The following VPS13C variants were observed in gnomAD, a reference collection of about 807,000 sequenced individuals.
VPS13C encodes intermembrane lipid transfer protein VPS13C.
Under a neutral mutation model 456.8 loss-of-function variants are expected in VPS13C, and 358 were observed. That is an observed-to-expected ratio of 0.78 (90% CI 0.72 to 0.86). The LOEUF is 0.86. Among genes scored for constraint, VPS13C ranks in the 40% least tolerant of loss-of-function variants. The pLI, the probability that VPS13C is intolerant of heterozygous loss-of-function variation, is 0.00. For missense variants in VPS13C, 4,818 were observed against 4,385.4 expected, an observed-to-expected ratio of 1.10 and a Z score of -2.79; for synonymous variants, 1,578 against 1,486.7, an observed-to-expected ratio of 1.06 and a Z score of -1.41.
At chr15:61,925,995 T>C (rs1229931069) in intron 52 of VPS13C, among the ~76,000 whole-genome samples, 1 of 152,198 alleles carries the variant, frequency 6.6e-6, no homozygotes, top group African/African-American at 2.4e-5. Context: ...TAAAAGTCAA[T>C]TCATCAAATT....
chr15:62,013,971 G>A lies in VPS13C; in HGVS notation c.706C>T (p.Pro236Ser). 6.2e-7 allele frequency: 1 copy of A among 1,610,396 alleles called. No homozygotes were observed. Among genetic ancestry groups the A allele is most frequent in the Non-Finnish European group, 8.5e-7 (1 of 1,177,854 alleles). ...SLLTANEHWT[P>S]CILNEADKII... is the part of the protein sequence containing the mutation. Reference sequence around the variant, plus strand: ...TTGTCTGCTTCATTTAATATGCATGGAGTCCAGTGTTCATTTGCAGTCTAA... The same window carrying A: ...TTGTCTGCTTCATTTAATATGCATGAAGTCCAGTGTTCATTTGCAGTCTAA... Residue 236 changes from proline to serine, a missense_variant, in exon 10 of 85, where the codon CCA (proline) becomes TCA (serine). Pro to Ser is a moderately conservative substitution (Grantham distance 74, BLOSUM62 -1). Transcript: ENST00000644861.
chr15:62,013,840 C>G (rs181756243), intron 10 of VPS13C, 93 bp downstream of exon 10: 46 of 937,986 alleles, frequency 4.9e-5, no homozygotes, highest in Middle Eastern at 4.6e-4. Context: ...AACTCACACT[C>G]CAATGGCATA....
At chr15:61,912,325 G>C (rs1426765387) in intron 62 of VPS13C, among the ~76,000 whole-genome samples, 2 of 152,106 alleles carry the variant, frequency 1.3e-5, no homozygotes, top group Non-Finnish European at 2.9e-5. Flanking sequence ...TACAGGCTTT[G>C]TTATCTGCTA....
In VPS13C at chr15:61,920,485, G is replaced by A. The variant is rs80165703; in HGVS notation, c.7212+13C>T. The A allele has an allele frequency of 1.4e-3, 2,169 of 1,514,532 alleles. 29 individuals carry two copies. In the African/African-American group the frequency reaches 0.028, roughly 20 times the overall value. 93.8% of individuals were successfully genotyped at this position (1,514,532 alleles called of 1,614,324 possible). On this transcript the variant is annotated intron_variant, in intron 56 of 84. Coordinates refer to ENST00000644861, the MANE Select transcript of VPS13C (RefSeq NM_020821.3). ...ATTCCACTTGAAATATTCTAAGCAA[G>A]ATTCAGACATACTTTTGCTAAATTG... is the stretch of plus-strand genomic sequence containing the variant.
At chr15:61,872,491 T>A (rs1044317877) in intron 78 of VPS13C, among the ~76,000 whole-genome samples, 2 of 152,072 alleles carry the variant, frequency 1.3e-5, no homozygotes, top group Non-Finnish European at 2.9e-5. Context: ...GGACAGGTAA[T>A]AACCTGGCAA....
At position 62,041,593 on chromosome 15, in the gene VPS13C, G is replaced by A. The variant is rs374529411; in HGVS notation, c.145-227C>T. 4.9e-3 allele frequency among the ~76,000 whole-genome samples: 739 copies of A among 152,216 alleles called. 9 individuals carry two copies. Among genetic ancestry groups the A allele is most frequent in the African/African-American group, 0.017 (713 of 41,548 alleles). On this transcript the variant is annotated intron_variant, in intron 2 of 84. Coordinates refer to ENST00000644861, the MANE Select transcript of VPS13C (RefSeq NM_020821.3). ...AGCACTTTGGGAAGCCGAGGCGGGT[G>A]GATCGCCTGAGTTCAGGAGTTCGAG...
chr15:61,875,038 A>T, intron 76 of VPS13C, 87 bp from the exon 77 acceptor site: 1 of 1,189,002 alleles, frequency 8.4e-7, no homozygotes, highest in Non-Finnish European at 1.1e-6. Flanking sequence ...TGCAAGAAGA[A>T]TCCAAATCTG....
intron 79 of VPS13C, among the ~76,000 whole-genome samples, chr15:61,870,065 C>T (rs12908081): frequency 0.38 from 58,396 of 151,974 alleles, 11,729 homozygotes; most frequent in Non-Finnish European, 0.43. Flanking sequence ...TATTGAAATG[C>T]AATTCATATA....
Position 61,954,523 on chromosome 15 carries a change from T to A in VPS13C, c.4197A>T (p.Ile1399=), listed in dbSNP as rs1348917153. Residue 1399 remains isoleucine (I), a synonymous_variant, in exon 38 of 85, where the codon ATA becomes ATT. Transcript: ENST00000644861. ...TTTTTGAATCATGTACATCTTGTGA[T>A]ATAGAGATTTCAAGGGGCTCTTTAA... ...GEIKEPLEIS[I]SQDVHDSKNT... is the part of the protein sequence containing the mutation. 1.3e-6 allele frequency: 2 copies of A among 1,598,176 alleles called. No individual in the cohort carries two copies. The highest frequency in any genetic ancestry group is 1.7e-6 in the Non-Finnish European group (2 of 1,174,434).
intron 1 of VPS13C, among the ~76,000 whole-genome samples, chr15:62,044,996 T>C (rs531527429): frequency 2.6e-5 from 4 of 152,258 alleles, no homozygotes; most frequent in African/African-American, 4.8e-5. Flanking sequence ...TTATGACACA[T>C]ATATTTTTTA....
chr15:61,931,265 G>T lies in VPS13C; in HGVS notation c.5869-6C>A. The T allele has an allele frequency of 3.7e-6, 6 of 1,603,884 alleles. No individual in the cohort carries two copies. Among genetic ancestry groups the T allele is most frequent in the Non-Finnish European group, 5.1e-6 (6 of 1,176,122 alleles). The stretch of plus-strand genomic sequence containing the variant: ...TGAAATGCAACTCCAGATTCCTATG[G>T]TACATTTTTCAAGCAAAAGAATCAA... On this transcript the variant is annotated splice_polypyrimidine_tract_variant and splice_region_variant and intron_variant, in intron 49 of 84. Coordinates refer to ENST00000644861, the MANE Select transcript of VPS13C (RefSeq NM_020821.3).
intron 14 of VPS13C, 131 bp downstream of exon 14, chr15:62,008,524 G>C: frequency 4.1e-6 from 2 of 492,250 alleles, no homozygotes. Context: ...TTTACCATTT[G>C]TCTTTTAATA....
At chr15:61,958,124 G>A (rs140688982) in intron 37 of VPS13C, among the ~76,000 whole-genome samples, 1 of 151,686 alleles carries the variant, frequency 6.6e-6, no homozygotes, top group African/African-American at 2.4e-5. Flanking sequence ...AGTCAAAAGG[G>A]CCATGGTAAC....
At chr15:61,951,091 G>T in intron 39 of VPS13C, 67 bp from the exon 40 acceptor site, 1 of 1,001,642 alleles carries the variant, frequency 1.0e-6, no homozygotes, top group Non-Finnish European at 1.5e-6. Context: ...AACAGGACCA[G>T]CCAAATGTAC....
At chr15:62,000,421 T>C in intron 16 of VPS13C, 143 bp downstream of exon 16, 1 of 722,226 alleles carries the variant, frequency 1.4e-6, no homozygotes, top group East Asian at 3.2e-5. Context: ...AGTGGCTTTT[T>C]TTCAGTACTC....
chr15:61,978,170 C>A (rs924802073), intron 23 of VPS13C, among the ~76,000 whole-genome samples: 1 of 151,984 alleles, frequency 6.6e-6, no homozygotes, highest in Non-Finnish European at 1.5e-5. Context: ...TAGATACATA[C>A]TTCTCAGATA....
intron 22 of VPS13C, among the ~76,000 whole-genome samples, chr15:61,981,013 A>G (rs993867981): frequency 1.3e-5 from 2 of 152,164 alleles, no homozygotes; most frequent in African/African-American, 4.8e-5. Context: ...ACAATTTCCT[A>G]TTGTCAAATT....
At chr15:61,908,035 C>T (rs888256783) in intron 65 of VPS13C, among the ~76,000 whole-genome samples, 2 of 152,128 alleles carry the variant, frequency 1.3e-5, no homozygotes, top group Non-Finnish European at 2.9e-5. Flanking sequence ...ATAAGTATTA[C>T]CTGGGGTCTT....
Position 62,037,314 on chromosome 15 carries a change from ATAT to A in VPS13C, c.188-2265_188-2263del, listed in dbSNP as rs1178622896. On this transcript the variant is annotated intron_variant, in intron 3 of 84. Coordinates refer to ENST00000644861, the MANE Select transcript of VPS13C (RefSeq NM_020821.3). ...TATATTATATAATATATATATAAAT[ATAT>A]TATATATTATATACATTTATATATA... Among the ~76,000 whole-genome samples, 104 of 76,030 alleles carry A rather than the reference ATAT, an allele frequency of 1.4e-3. 10 individuals are homozygous for A. The East Asian group carries it at 0.017, about 12-fold the overall frequency. 49.9% of individuals were successfully genotyped at this position (76,030 alleles called of 152,430 possible).
Sources: gnomAD v4.1 joint callset for allele counts (sites outside exome capture counted in the v4.1 genomes callset) on GRCh38, gnomAD v4.1.1 for gene constraint, MANE v1.5 for transcripts, NCBI Gene and HGNC (gene_info 2026-07-23, HGNC 2026-07-21) for gene names.